The following PDGFRA variants were observed in gnomAD, a reference collection of about 807,000 sequenced individuals.
PDGFRA encodes platelet derived growth factor receptor alpha, also known as platelet-derived growth factor receptor alpha.
Under a neutral mutation model 121.5 loss-of-function variants are expected in PDGFRA, and 25 were observed. The ratio of observed to expected loss-of-function variants is 0.21; its 90% CI spans 0.15 to 0.29. The LOEUF (loss-of-function observed/expected upper bound fraction) is 0.29. PDGFRA is among the 10% of genes least tolerant of loss of function. The pLI, the probability that PDGFRA is intolerant of heterozygous loss-of-function variation, is 1.00. For missense variants in PDGFRA, 1,008 were observed against 1,345.1 expected, an observed-to-expected ratio of 0.75 and a Z score of 3.92; for synonymous variants, 463 against 494.8, an observed-to-expected ratio of 0.94 and a Z score of 0.85.
At position 54,295,269 on chromosome 4, in the gene PDGFRA, G is replaced by A. The variant is rs770379108; in HGVS notation, c.3267G>A (p.Leu1089=). The A allele has an allele frequency of 1.9e-6, 3 of 1,614,116 alleles. No individual in the cohort carries two copies. The highest frequency in any genetic ancestry group is 1.7e-6 in the Non-Finnish European group (2 of 1,179,996). ...DSSDLVEDSF[L] ...CAGACCTGGTGGAAGACAGCTTCCT[G>A]TAACTGGCGGATTCGAGGGGTTCCT... Residue 1089 remains leucine (L), a synonymous_variant, in exon 23 of 23, where the codon CTG becomes CTA. Coordinates refer to ENST00000257290, the MANE Select transcript of PDGFRA (RefSeq NM_006206.6).
At chr4:54,265,178 G>A (rs1285750962) in intron 5 of PDGFRA, 129 bp downstream of exon 5, 4 of 842,894 alleles carry the variant, frequency 4.7e-6, no homozygotes, top group Non-Finnish European at 8.0e-6. Context: ...CCCACCTCTG[G>A]GATGAACACA....
At chr4:54,258,695 A>T (rs148968049) in intron 1 of PDGFRA, 62 bp from the exon 2 acceptor site, 824 of 975,660 alleles carry the variant, frequency 8.4e-4, no homozygotes, top group Admixed American at 2.5e-3. Context: ...CACAAAGAGA[A>T]CTAGGCTCCA....
intron 2 of PDGFRA, among the ~76,000 whole-genome samples, chr4:54,260,668 A>G (rs1722650300): frequency 6.6e-6 from 1 of 151,878 alleles, no homozygotes; most frequent in Admixed American, 6.6e-5. Context: ...TCCACCTCAC[A>G]AAGTGCTGGG....
intron 2 of PDGFRA, among the ~76,000 whole-genome samples, chr4:54,259,682 A>G (rs1210233228): frequency 6.6e-6 from 1 of 152,184 alleles, no homozygotes; most frequent in Non-Finnish European, 1.5e-5. Flanking sequence ...GAGCAAGACC[A>G]GAGATTCAAC....
chr4:54,281,548 A>G, intron 16 of PDGFRA: 2 of 1,325,216 alleles, frequency 1.5e-6, no homozygotes, highest in Non-Finnish European at 2.0e-6. Context: ...CTCCCCTCCC[A>G]TATTGTTAAA....
intron 1 of PDGFRA, among the ~76,000 whole-genome samples, chr4:54,237,001 C>T (rs538527289): frequency 5.3e-4 from 81 of 151,926 alleles, no homozygotes; most frequent in Non-Finnish European, 1.1e-3. Flanking sequence ...CAGAATCTTG[C>T]TCTGTCACCC....
At chr4:54,244,623 C>CTGG in intron 1 of PDGFRA, among the ~76,000 whole-genome samples, 1 of 152,170 alleles carries the variant, frequency 6.6e-6, no homozygotes, top group Non-Finnish European at 1.5e-5. Flanking sequence ...GGGGAAAAAA[C>CTGG]AGAGCAGAAA....
chr4:54,277,875 T>G, intron 13 of PDGFRA, 21 bp from the exon 14 acceptor site: 1 of 1,518,892 alleles, frequency 6.6e-7, no homozygotes, highest in Middle Eastern at 1.7e-4. Flanking sequence ...TGGACTGATA[T>G]GTGATTTATT....
chr4:54,282,351 T>C (rs544619302), intron 16 of PDGFRA, among the ~76,000 whole-genome samples: 2 of 152,340 alleles, frequency 1.3e-5, no homozygotes, highest in East Asian at 3.9e-4. Context: ...CATGAAGTCA[T>C]GGCAGAAGGC....
rs1722885139 is a variant in PDGFRA at position 54,263,809 on chromosome 4, C to T, written c.510C>T (p.Ala170=). The change falls in exon 4 of 23, where the codon GCC becomes GCT. Residue 170 remains alanine, a synonymous_variant. Coordinates refer to ENST00000257290, the MANE Select transcript of PDGFRA (RefSeq NM_006206.6). ...TLHNSEGVVP[A]SYDSRQGFNG... is the part of the protein sequence containing the mutation. ...ACAACAGTGAGGGGGTGGTACCTGC[C>T]TCCTACGACAGCAGACAGGGCTTTA... 1 of 1,614,042 alleles carries T rather than the reference C, an allele frequency of 6.2e-7. No homozygotes were observed. Among genetic ancestry groups the T allele is most frequent in the Non-Finnish European group, 8.5e-7 (1 of 1,180,004 alleles).
At chr4:54,245,905 G>A (rs1055551465) in intron 1 of PDGFRA, among the ~76,000 whole-genome samples, 1 of 151,906 alleles carries the variant, frequency 6.6e-6, no homozygotes, top group African/African-American at 2.4e-5. Flanking sequence ...AAAGGCAGGG[G>A]TTGCAATCCT....
At chr4:54,294,480 T>C (rs577628244) in intron 22 of PDGFRA, among the ~76,000 whole-genome samples, 2 of 152,248 alleles carry the variant, frequency 1.3e-5, no homozygotes, top group South Asian at 4.2e-4. Flanking sequence ...ACTTTCTCAG[T>C]TGAAGTTCAC....
intron 2 of PDGFRA, among the ~76,000 whole-genome samples, chr4:54,260,315 G>A (rs964571627): frequency 1.3e-5 from 2 of 151,606 alleles, no homozygotes; most frequent in African/African-American, 4.9e-5. Flanking sequence ...TATAAGAAAT[G>A]GAAGATGTGG....
At position 54,270,732 on chromosome 4, in the gene PDGFRA, T is replaced by G; in HGVS notation, c.1221T>G (p.Phe407Leu). Residue 407 changes from phenylalanine (F) to leucine (L), a missense_variant, in exon 8 of 23, where the codon TTT becomes TTG. By Grantham distance (22) the Phe-to-Leu change is conservative (BLOSUM62 0). This residue lies in a region of PDGFRA where 575 missense variants were observed against 701.8 expected (regional missense o/e 0.82). Coordinates refer to ENST00000257290, the MANE Select transcript of PDGFRA (RefSeq NM_006206.6). ...AAGATGCTGTGAAGAGCTATACTTTTGAACTGTTAACTCAAGGTATGTAAA... is the reference window on the plus strand; with the variant it reads ...AAGATGCTGTGAAGAGCTATACTTTGGAACTGTTAACTCAAGGTATGTAAA... Reference protein sequence around the residue: ...QNEDAVKSYTFELLTQVPSSI... With the variant: ...QNEDAVKSYTLELLTQVPSSI... 6.3e-7 allele frequency: 1 copy of G among 1,576,684 alleles called. No homozygotes were observed. Among genetic ancestry groups the G allele is most frequent in the Non-Finnish European group, 8.7e-7 (1 of 1,145,864 alleles).
At chr4:54,280,760 T>TAAAA in intron 16 of PDGFRA, 5 of 208,722 alleles carry the variant, frequency 2.4e-5, no homozygotes, top group South Asian at 1.2e-4. Context: ...AAACATTTTT[T>TAAAA]AAAAAAAATA....
intron 22 of PDGFRA, 145 bp from the exon 23 acceptor site, chr4:54,294,980 G>C: frequency 2.5e-6 from 2 of 798,646 alleles, no homozygotes; most frequent in East Asian, 5.2e-5. Flanking sequence ...GCCTACCACA[G>C]CATGTCAGGC....
intron 1 of PDGFRA, among the ~76,000 whole-genome samples, chr4:54,248,837 C>T (rs1374792177): frequency 2.6e-5 from 4 of 152,198 alleles, no homozygotes; most frequent in East Asian, 3.9e-4. Context: ...GGGCTAATAT[C>T]CAGACTCTAC....
intron 1 of PDGFRA, among the ~76,000 whole-genome samples, chr4:54,245,346 C>G (rs573284808): frequency 2.6e-5 from 4 of 152,206 alleles, no homozygotes; most frequent in Non-Finnish European, 5.9e-5. Context: ...GGAAGCCCAT[C>G]AGACTAACAG....
Position 54,290,328 on chromosome 4 carries a change from C to T in PDGFRA, c.2896C>T (p.His966Tyr). ...ATGTTTATAGAGTTATGAAAAAATT[C>T]ACCTGGACTTCCTGAAGAGTGACCA... ...GQYKKSYEKI[H>Y]LDFLKSDHPA... The change falls in exon 22 of 23, where the codon CAC becomes TAC. Residue 966 changes from histidine to tyrosine, a missense_variant. By Grantham distance (83) the His-to-Tyr change is moderately conservative. This residue lies in a region of PDGFRA where 204 missense variants were observed against 243.0 expected (regional missense o/e 0.84). Transcript: ENST00000257290. 1 of 1,611,738 alleles carries T rather than the reference C, an allele frequency of 6.2e-7. No homozygotes were observed. Among genetic ancestry groups the T allele is most frequent in the East Asian group, 2.2e-5 (1 of 44,872 alleles).
Sources: allele counts gnomAD v4.1 joint callset (sites outside exome capture counted in the v4.1 genomes callset), GRCh38; gene constraint gnomAD v4.1.1; regional missense constraint gnomAD v4.1.1; transcripts MANE v1.5; gene names NCBI Gene and HGNC (gene_info 2026-07-23, HGNC 2026-07-21).